The following EPHB2 variants were observed in gnomAD, a reference collection of about 807,000 sequenced individuals.
The protein encoded by EPHB2 is EPH receptor B2.
Under a neutral mutation model 96.4 loss-of-function variants are expected in EPHB2, and 18 were observed. That is an observed-to-expected ratio of 0.19 (90% confidence interval 0.13 to 0.28). The LOEUF (loss-of-function observed/expected upper bound fraction) is 0.28. Ranked by LOEUF, EPHB2 falls within the 10% of genes least tolerant of loss-of-function variation. EPHB2 has a pLI of 1.00. For missense variants in EPHB2, 989 were observed against 1,355.4 expected, an observed-to-expected ratio of 0.73 and a Z score of 4.25; for synonymous variants, 506 against 534.1, an observed-to-expected ratio of 0.95 and a Z score of 0.72.
intron 1 of EPHB2, among the ~76,000 whole-genome samples, chr1:22,747,358 C>A (rs949255921): frequency 1.3e-5 from 2 of 152,216 alleles, no homozygotes; most frequent in African/African-American, 2.4e-5. Flanking sequence ...ATTACTTAAT[C>A]CTTGACATTG....
chr1:22,912,984 G>A (rs1640156984), intron 15 of EPHB2: 2 of 359,372 alleles, frequency 5.6e-6, no homozygotes, highest in East Asian at 1.4e-4. Flanking sequence ...CACAAGGTCA[G>A]GAGTTCAAGA....
intron 9 of EPHB2, among the ~76,000 whole-genome samples, chr1:22,897,648 A>G (rs138771569): frequency 0.033 from 5,010 of 152,214 alleles, 122 homozygotes; most frequent in Non-Finnish European, 0.054. Flanking sequence ...TTAGCCAGGC[A>G]TGGTGGTGTG....
At chr1:22,711,894 G>T (rs532324916) in intron 1 of EPHB2, among the ~76,000 whole-genome samples, 1 of 152,332 alleles carries the variant, frequency 6.6e-6, no homozygotes, top group Non-Finnish European at 1.5e-5. Flanking sequence ...AAGGGTAGTT[G>T]CTAGGTCTCC....
rs113508986 is a variant in EPHB2 at position 22,882,701 on chromosome 1, T to C, written c.1428+218T>C. 1.0e-3 allele frequency: 591 copies of C among 569,992 alleles called. 5 individuals carry two copies. The highest frequency in any genetic ancestry group is 9.5e-3 in the African/African-American group (502 of 52,840). 35.3% of individuals were successfully genotyped at this position (569,992 alleles called of 1,614,324 possible). On this transcript the variant is annotated intron_variant, in intron 6 of 15. Coordinates refer to ENST00000374630, the MANE Select transcript of EPHB2 (RefSeq NM_017449.5). ...GCCTTGACCTCTCTGGATCTCACTT[T>C]TCTGGTCTGGAGGATACACCCAGCA...
intron 3 of EPHB2, among the ~76,000 whole-genome samples, chr1:22,788,717 G>A (rs190565057): frequency 6.6e-6 from 1 of 151,650 alleles, no homozygotes; most frequent in East Asian, 1.9e-4. Flanking sequence ...GAATCAGCAG[G>A]GTTTATTTTG....
At chr1:22,845,687 G>T (rs1321402946) in intron 3 of EPHB2, among the ~76,000 whole-genome samples, 1 of 152,030 alleles carries the variant, frequency 6.6e-6, no homozygotes, top group Non-Finnish European at 1.5e-5. Flanking sequence ...ATTTTCCTCT[G>T]CTTTGATTCT....
chr1:22,764,633 C>T (rs1014555744), intron 1 of EPHB2, among the ~76,000 whole-genome samples: 1 of 152,062 alleles, frequency 6.6e-6, no homozygotes, highest in African/African-American at 2.4e-5. Context: ...ATAATCCCAG[C>T]TGTTCAGGAG....
In EPHB2 at chr1:22,915,561, C is replaced by G. The variant is rs1055263657; in HGVS notation, c.*1991C>G. ...TGGAAGTGGCTCAGAACTCAGCCTT[C>G]GATGCCCTGGGAATCAGGGTGAGCC... On this transcript the variant is annotated 3_prime_UTR_variant, in exon 16 of 16. Coordinates refer to ENST00000374630, the MANE Select transcript of EPHB2 (RefSeq NM_017449.5). 1 of 152,152 alleles carries G rather than the reference C, an allele frequency of 6.6e-6. No homozygotes were observed. The highest frequency in any genetic ancestry group is 1.5e-5 in the Non-Finnish European group (1 of 68,056). The allele number at this position is 152,152 out of a possible 1,614,324, so 9.4% of individuals were successfully genotyped here. A position where few individuals can be genotyped will look rare whatever the true frequency, so the allele number is the denominator to read the frequency against.
intron 9 of EPHB2, among the ~76,000 whole-genome samples, chr1:22,897,357 C>G (rs1639599355): frequency 6.6e-6 from 1 of 152,174 alleles, no homozygotes; most frequent in South Asian, 2.1e-4. Flanking sequence ...AAACTGTACT[C>G]AGTGTGACGC....
chr1:22,773,096 C>G (rs1262478794), intron 1 of EPHB2, among the ~76,000 whole-genome samples: 1 of 152,220 alleles, frequency 6.6e-6, no homozygotes, highest in Non-Finnish European at 1.5e-5. Flanking sequence ...ATGGTCCAGC[C>G]TTTGCATACT....
intron 1 of EPHB2, among the ~76,000 whole-genome samples, chr1:22,778,265 A>G (rs928628868): frequency 6.6e-6 from 1 of 151,686 alleles, no homozygotes; most frequent in African/African-American, 2.4e-5. Flanking sequence ...ACCTCAAGTG[A>G]TCTCCCCCCC....
chr1:22,840,651 G>T (rs1645452574), intron 3 of EPHB2, among the ~76,000 whole-genome samples: 1 of 151,982 alleles, frequency 6.6e-6, no homozygotes. Context: ...AGCAGAGATG[G>T]GATCTTGCCA....
chr1:22,799,164 C>T (rs1644807833), intron 3 of EPHB2, among the ~76,000 whole-genome samples: 1 of 152,152 alleles, frequency 6.6e-6, no homozygotes, highest in Non-Finnish European at 1.5e-5. Context: ...GCTCCTCCCT[C>T]CTGTGGAGCT....
At chr1:22,802,904 A>C (rs1356736162) in intron 3 of EPHB2, among the ~76,000 whole-genome samples, 2 of 152,198 alleles carry the variant, frequency 1.3e-5, no homozygotes, top group Non-Finnish European at 2.9e-5. Flanking sequence ...AGGAGCCCAC[A>C]GTGGACAGAG....
At chr1:22,840,780 A>G (rs1031663922) in intron 3 of EPHB2, among the ~76,000 whole-genome samples, 1 of 152,168 alleles carries the variant, frequency 6.6e-6, no homozygotes, top group Admixed American at 6.5e-5. Context: ...ATTTTAGAAC[A>G]TGGAAGAATG....
chr1:22,904,952 TC>T (rs1224042300), intron 9 of EPHB2, among the ~76,000 whole-genome samples: 9 of 152,168 alleles, frequency 5.9e-5, no homozygotes, highest in Non-Finnish European at 1.3e-4. Context: ...TCCTAGAACT[TC>T]TGCCTCCAAA....
intron 1 of EPHB2, among the ~76,000 whole-genome samples, chr1:22,745,802 A>G (rs988761589): frequency 6.6e-6 from 1 of 152,000 alleles, no homozygotes; most frequent in African/African-American, 2.4e-5. Flanking sequence ...GCCTTGGATG[A>G]TCGGCAGCTG....
At chr1:22,746,742 G>A (rs920906386) in intron 1 of EPHB2, among the ~76,000 whole-genome samples, 3 of 152,186 alleles carry the variant, frequency 2.0e-5, no homozygotes, top group African/African-American at 7.2e-5. Context: ...GGATGCAGAA[G>A]TCAGGTCACA....
chr1:22,863,681 T>C (rs1638358501), intron 4 of EPHB2, among the ~76,000 whole-genome samples: 1 of 152,206 alleles, frequency 6.6e-6, no homozygotes, highest in Non-Finnish European at 1.5e-5. Context: ...TACGGATTTA[T>C]TCTCTCACCC....
Sources: allele counts gnomAD v4.1 joint callset (sites outside exome capture counted in the v4.1 genomes callset), GRCh38; gene constraint gnomAD v4.1.1; transcripts MANE v1.5; gene names NCBI Gene and HGNC (gene_info 2026-07-23, HGNC 2026-07-21).